The following PRR16 variants were observed in gnomAD, a reference collection of about 807,000 sequenced individuals.
The protein encoded by PRR16 is protein Largen.
Under a neutral mutation model 18.2 loss-of-function variants are expected in PRR16, and 6 were observed. The ratio of observed to expected loss-of-function variants is 0.33; its 90% CI spans 0.18 to 0.65. PRR16 has a LOEUF of 0.65. PRR16 is among the 30% of genes least tolerant of loss of function. The pLI is 0.74. For synonymous variants in PRR16, 151 were observed against 147.8 expected (o/e 1.02, Z -0.16); for missense variants, 412 against 376.6 (o/e 1.09, Z -0.78).
chr5:120,476,342 A>G (rs1749441954), intron 1 of PRR16, among the ~76,000 whole-genome samples: 1 of 152,126 alleles, frequency 6.6e-6, no homozygotes. Context: ...TCTTGATATT[A>G]TCACAATATT....
chr5:120,542,013 C>T (rs185984251), intron 1 of PRR16, among the ~76,000 whole-genome samples: 330 of 152,064 alleles, frequency 2.2e-3, no homozygotes, highest in Non-Finnish European at 3.8e-3. Context: ...CTTGTTGAAA[C>T]CAAATGATTG....
At chr5:120,546,737 G>T (rs558327087) in intron 1 of PRR16, among the ~76,000 whole-genome samples, 1 of 151,954 alleles carries the variant, frequency 6.6e-6, no homozygotes, top group East Asian at 1.9e-4. Context: ...TGGAAGTGAT[G>T]CAGGGCAGTC....
Position 120,466,141 on chromosome 5 carries a change from G to A in PRR16, c.159+1496G>A, listed in dbSNP as rs138616844. On this transcript the variant is annotated intron_variant, in intron 1 of 1. Coordinates refer to ENST00000407149, the MANE Select transcript of PRR16 (RefSeq NM_001300783.2). ...ATAGATTCAGGGATAAAACTTGTTC[G>A]TGTTTTCAGGGTTTCTGTAGGATTA... Among the ~76,000 whole-genome samples the A allele has an allele frequency of 2.8e-4, 42 of 152,252 alleles. No homozygotes were observed. In the East Asian group the frequency reaches 7.1e-3, roughly 26 times the overall value.
intron 1 of PRR16, among the ~76,000 whole-genome samples, chr5:120,656,952 T>A (rs1202468602): frequency 2.6e-5 from 4 of 152,040 alleles, no homozygotes; most frequent in African/African-American, 7.2e-5. Flanking sequence ...AGAATTTTTA[T>A]TCCTTGGGGC....
intron 1 of PRR16, among the ~76,000 whole-genome samples, chr5:120,581,521 A>T (rs182166331): frequency 6.6e-6 from 1 of 151,408 alleles, no homozygotes; most frequent in East Asian, 2.0e-4. Context: ...TATCTCCTTC[A>T]ATTCTTCTCT....
chr5:120,483,701 A>G (rs1340138262), intron 1 of PRR16, among the ~76,000 whole-genome samples: 2 of 152,122 alleles, frequency 1.3e-5, no homozygotes, highest in African/African-American at 4.8e-5. Context: ...TCACAAATAT[A>G]TCATCTTTTA....
intron 1 of PRR16, among the ~76,000 whole-genome samples, chr5:120,577,584 T>C (rs1258139352): frequency 6.6e-6 from 1 of 152,170 alleles, no homozygotes; most frequent in Non-Finnish European, 1.5e-5. Flanking sequence ...CAAATCTTTT[T>C]GCACAAGTCA....
intron 1 of PRR16, among the ~76,000 whole-genome samples, chr5:120,570,124 T>A (rs1297091993): frequency 6.6e-6 from 1 of 152,232 alleles, no homozygotes; most frequent in African/African-American, 2.4e-5. Flanking sequence ...AATGAAGAGA[T>A]GAGAGCATGT....
At position 120,686,643 on chromosome 5, in the gene PRR16, G is replaced by C. The variant is rs1458178954; in HGVS notation, c.849G>C (p.Val283=). 3.8e-6 allele frequency: 6 copies of C among 1,599,022 alleles called. No homozygotes were observed. Among genetic ancestry groups the C allele is most frequent in the Admixed American group, 3.4e-5 (2 of 59,110 alleles). ...TCCCCCCTATCAGACCTGCAACTGTGCCTCCTCCCACTGCACCAAAACCAC... is the reference window on the plus strand; with the variant it reads ...TCCCCCCTATCAGACCTGCAACTGTCCCTCCTCCCACTGCACCAAAACCAC... ...NSFPPIRPAT[V]PPPTAPKPQK... is the part of the protein sequence containing the mutation. The change falls in exon 2 of 2, where the codon GTG becomes GTC. Residue 283 remains valine (V), a synonymous_variant. Transcript: ENST00000407149.
At chr5:120,735,663 T>TTTGTTG in the PRR16 span, among the ~76,000 whole-genome samples, 133,513 of 151,614 alleles carry the variant, frequency 0.88, 61,015 homozygotes, top group Non-Finnish European at 0.99. Context: ...TACTCATATT[T>TTTGTTG]TTGTTGTTGT....
chr5:120,544,250 C>A (rs866296125), intron 1 of PRR16, among the ~76,000 whole-genome samples: 3 of 152,160 alleles, frequency 2.0e-5, no homozygotes, highest in Non-Finnish European at 2.9e-5. Context: ...AATGCCAGAT[C>A]TTCTGACCTT....
At chr5:120,596,520 A>G (rs537457315) in intron 1 of PRR16, among the ~76,000 whole-genome samples, 1 of 151,872 alleles carries the variant, frequency 6.6e-6, no homozygotes, top group Admixed American at 6.6e-5. Flanking sequence ...TTTTAACATA[A>G]TGAAATATGT....
At chr5:120,563,995 C>T (rs757027020) in intron 1 of PRR16, among the ~76,000 whole-genome samples, 1 of 152,130 alleles carries the variant, frequency 6.6e-6, no homozygotes, top group African/African-American at 2.4e-5. Context: ...GTCGTCTTCT[C>T]TTCAGGGCAG....
chr5:120,615,649 A>C (rs944346079), intron 1 of PRR16, among the ~76,000 whole-genome samples: 2 of 152,012 alleles, frequency 1.3e-5, no homozygotes, highest in African/African-American at 4.8e-5. Context: ...TTTAACCATA[A>C]AATTAATACT....
intron 1 of PRR16, among the ~76,000 whole-genome samples, chr5:120,518,670 C>T (rs1751075958): frequency 6.6e-6 from 1 of 151,838 alleles, no homozygotes; most frequent in African/African-American, 2.4e-5. Flanking sequence ...ATAAACATCA[C>T]ATTTCCAACC....
intron 1 of PRR16, among the ~76,000 whole-genome samples, chr5:120,543,465 T>C (rs1751979005): frequency 6.6e-6 from 1 of 152,164 alleles, no homozygotes. Flanking sequence ...TTTCTAGATA[T>C]TGCAGTGTAA....
chr5:120,701,725 A>G, the PRR16 span, among the ~76,000 whole-genome samples: 4 of 152,172 alleles, frequency 2.6e-5, no homozygotes, highest in Admixed American at 2.6e-4. Flanking sequence ...TGGGGTTGGT[A>G]CTGAGGGGAT....
intron 1 of PRR16, among the ~76,000 whole-genome samples, chr5:120,633,913 C>T (rs945910837): frequency 6.6e-6 from 1 of 152,006 alleles, no homozygotes; most frequent in Non-Finnish European, 1.5e-5. Flanking sequence ...AAACAATGGA[C>T]TTAAATTATA....
intron 1 of PRR16, among the ~76,000 whole-genome samples, chr5:120,539,282 ATAT>A (rs900861321): frequency 9.9e-5 from 15 of 151,284 alleles, no homozygotes; most frequent in Admixed American, 5.9e-4. Context: ...TATTTTCTAA[ATAT>A]TATTTTCTAA....
Sources: allele counts gnomAD v4.1 joint callset (sites outside exome capture counted in the v4.1 genomes callset), GRCh38; gene constraint gnomAD v4.1.1; transcripts MANE v1.5; gene names NCBI Gene and HGNC (gene_info 2026-07-23, HGNC 2026-07-21).